DGKZ: variants seen among roughly 807,000 people sequenced by gnomAD.
DGKZ encodes the protein diacylglycerol kinase zeta.
DGKZ carries 45 observed loss-of-function variants against 142.5 expected under a neutral mutation model. The observed-to-expected ratio is 0.32, with a 90% confidence interval of 0.25 to 0.40. DGKZ has a LOEUF of 0.40. Among genes scored for constraint, DGKZ ranks in the 10% least tolerant of loss-of-function variants. DGKZ has a pLI of 1.00. For missense variants in DGKZ, 755 were observed against 1,306.5 expected (o/e 0.58, Z 6.51); for synonymous variants, 442 against 527.0 (o/e 0.84, Z 2.21).
At chr11:46,345,940 G>T (rs1940570198), upstream of DGKZ, among the ~76,000 whole-genome samples, 1 of 152,166 alleles carries the variant, frequency 6.6e-6, no homozygotes, top group Non-Finnish European at 1.5e-5. The surrounding 1 kb of genome is among the most constrained non-coding windows in gnomAD (Gnocchi z 4.1). Flanking sequence ...TTCTCTCAGA[G>T]CTTGGAGTAA....
intron 1 of DGKZ, among the ~76,000 whole-genome samples, chr11:46,351,265 C>T (rs1266941689): frequency 6.6e-6 from 1 of 152,204 alleles, no homozygotes; most frequent in East Asian, 1.9e-4. Context: ...TGGCACCTCA[C>T]ACATGTAGAC....
intron 25 of DGKZ, chr11:46,377,458 C>T (rs538951091): frequency 1.7e-5 from 11 of 650,696 alleles, no homozygotes; most frequent in African/African-American, 1.5e-4. Flanking sequence ...TCCTGGCAGC[C>T]CCCGGACCCA....
At chr11:46,365,091 C>T in intron 1 of DGKZ, 8 of 985,354 alleles carry the variant, frequency 8.1e-6, no homozygotes, top group Non-Finnish European at 9.6e-6. Context: ...GAAGGGTAGG[C>T]AGGGCTGAGG....
chr11:46,375,964 G>A lies in DGKZ; in HGVS notation c.2011+13G>A, dbSNP rs541090731. The stretch of plus-strand genomic sequence containing the variant: ...CTCAAGGAGGCCTGTGAGTGCGGTG[G>A]GGCGGCCTGGCAGGGTGGCCAGGAG... On this transcript the variant is annotated intron_variant, in intron 21 of 30. Coordinates refer to ENST00000527911, the Ensembl canonical transcript of DGKZ. 3 of 1,611,032 alleles carry A rather than the reference G, an allele frequency of 1.9e-6. No homozygotes were observed. In the African/African-American group the frequency reaches 4.0e-5, roughly 21 times the overall value.
In DGKZ at chr11:46,347,831, C is replaced by T; in HGVS notation, c.161+11C>T. 1.6e-6 allele frequency: 2 copies of T among 1,275,116 alleles called. No homozygotes were observed. The highest frequency in any genetic ancestry group is 2.4e-5 in the South Asian group (1 of 41,790). 79.0% of individuals were successfully genotyped at this position (1,275,116 alleles called of 1,614,324 possible). On this transcript the variant is annotated intron_variant, in intron 1 of 30. Transcript: ENST00000527911. This position sits in a 1 kb window ranked among gnomAD's most constrained non-coding sequence, Gnocchi z 6.4. Reference sequence around the variant, plus strand: ...GCTCTTCGGGCACAGGTGAGCGGGGCGGCGGCGGGGCAGGCACCGAGGCAC... The same window carrying T: ...GCTCTTCGGGCACAGGTGAGCGGGGTGGCGGCGGGGCAGGCACCGAGGCAC...
intron 18 of DGKZ, 26 bp from the exon 19 acceptor site, chr11:46,374,908 G>A (rs1181392050): frequency 6.4e-7 from 1 of 1,573,978 alleles, no homozygotes; most frequent in East Asian, 2.3e-5. Flanking sequence ...GTGTTTTGAG[G>A]CCCATGTCAT....
intron 1 of DGKZ, among the ~76,000 whole-genome samples, chr11:46,333,766 T>C (rs1474849208): frequency 6.6e-6 from 1 of 152,142 alleles, no homozygotes; most frequent in Non-Finnish European, 1.5e-5. Flanking sequence ...GACATTGTTC[T>C]TACAAACCTC....
At chr11:46,348,911 A>G (rs1012506049) in intron 1 of DGKZ, among the ~76,000 whole-genome samples, 1 of 152,088 alleles carries the variant, frequency 6.6e-6, no homozygotes, top group Non-Finnish European at 1.5e-5. Context: ...GAGTCTGCCC[A>G]AGGCCTCCCT....
upstream of DGKZ, chr11:46,345,502 G>C: frequency 6.6e-7 from 1 of 1,516,730 alleles, no homozygotes; most frequent in Non-Finnish European, 8.8e-7. This position sits in a 1 kb window ranked among gnomAD's most constrained non-coding sequence, Gnocchi z 4.1. Context: ...CGGAAGAAGG[G>C]GAGCGGCCGG....
exon 1 of DGKZ, chr11:46,332,999 C>T (rs996092441): frequency 6.4e-6 from 2 of 314,894 alleles, no homozygotes; most frequent in African/African-American, 4.3e-5. Context: ...CTCCAGCCGT[C>T]CGGGGGGCGC....
chr11:46,379,390 C>T, intron 29 of DGKZ, 79 bp from the exon 30 acceptor site: 3 of 1,571,826 alleles, frequency 1.9e-6, no homozygotes, highest in Non-Finnish European at 2.6e-6. Context: ...AACTTCCTGC[C>T]CTTTCTGATG....
chr11:46,333,777 T>C (rs1419800121), intron 1 of DGKZ, among the ~76,000 whole-genome samples: 1 of 152,100 alleles, frequency 6.6e-6, no homozygotes, highest in East Asian at 1.9e-4. Context: ...TACAAACCTC[T>C]ATCTGCTGGG....
In DGKZ at chr11:46,378,978, C is replaced by T. The variant is rs1184857868; in HGVS notation, c.2419-13C>T. On this transcript the variant is annotated splice_polypyrimidine_tract_variant and intron_variant, in intron 27 of 30. Transcript: ENST00000527911. ...CCCAGGAGGTCCAGCCCTGCCATGC[C>T]TCCTGCCCTCAGCTCCAGGAGCTGC... 1 of 1,531,048 alleles carries T rather than the reference C, an allele frequency of 6.5e-7. No homozygotes were observed. The highest frequency in any genetic ancestry group is 1.4e-5 in the African/African-American group (1 of 72,498). The allele number at this position is 1,531,048 out of a possible 1,614,324, so 94.8% of individuals were successfully genotyped here. A position where few individuals can be genotyped will look rare whatever the true frequency, so the allele number is the denominator to read the frequency against.
At chr11:46,363,082 T>A (rs1295805369) in intron 1 of DGKZ, among the ~76,000 whole-genome samples, 1 of 152,154 alleles carries the variant, frequency 6.6e-6, no homozygotes, top group Non-Finnish European at 1.5e-5. Context: ...ACGTACTGTG[T>A]GGCGAGGTGG....
chr11:46,370,773 A>T (rs935605184), intron 6 of DGKZ, among the ~76,000 whole-genome samples: 2 of 151,478 alleles, frequency 1.3e-5, no homozygotes, highest in African/African-American at 4.9e-5. Flanking sequence ...TCTTATACAT[A>T]TTTTTTTTTA....
chr11:46,350,444 C>G (rs1175968154), intron 1 of DGKZ, among the ~76,000 whole-genome samples: 1 of 152,210 alleles, frequency 6.6e-6, no homozygotes, highest in Non-Finnish European at 1.5e-5. Flanking sequence ...CATGCTAGCT[C>G]TTAACCTAGC....
chr11:46,370,152 C>CA, intron 6 of DGKZ, 143 bp downstream of exon 6: 2 of 995,744 alleles, frequency 2.0e-6, no homozygotes, highest in South Asian at 2.9e-5. Flanking sequence ...GCAGTGCCTT[C>CA]AGTTCTCAAG....
Position 46,375,414 on chromosome 11 carries a change from A to C in DGKZ, c.1711-18A>C, listed in dbSNP as rs1332017172. ...CCCAGCCCTGGTGCCATCTGACCCA[A>C]GCTTCCTGTGCCCACAGGCCGCGCT... On this transcript the variant is annotated intron_variant, in intron 19 of 30. Transcript: ENST00000527911. The C allele has an allele frequency of 1.3e-6, 2 of 1,558,130 alleles. No individual in the cohort carries two copies. Among genetic ancestry groups the C allele is most frequent in the East Asian group, 4.7e-5 (2 of 42,926 alleles).
At chr11:46,342,850 G>A (rs1221342602), upstream of DGKZ, among the ~76,000 whole-genome samples, 1 of 152,210 alleles carries the variant, frequency 6.6e-6, no homozygotes, top group Non-Finnish European at 1.5e-5. Context: ...AAGGCCAGGT[G>A]CGGTGGCTCA....
Sources: allele counts gnomAD v4.1 joint callset (sites outside exome capture counted in the v4.1 genomes callset), GRCh38; gene constraint gnomAD v4.1.1; non-coding constraint Gnocchi (gnomAD v3.1); transcripts MANE v1.5; gene names NCBI Gene and HGNC (gene_info 2026-07-23, HGNC 2026-07-21).